TP63: variants seen among roughly 807,000 people sequenced by gnomAD.
The protein encoded by TP63 is tumor protein 63.
In TP63, 17 loss-of-function variants were observed where a neutral mutation model predicts 82.8. The observed-to-expected ratio is 0.21, with a 90% CI of 0.14 to 0.31. TP63 has a LOEUF of 0.31. Among genes scored for constraint, TP63 ranks in the 10% least tolerant of loss-of-function variants. TP63 has a pLI of 1.00. For synonymous variants in TP63, 330 were observed against 321.7 expected, an observed-to-expected ratio of 1.03 and a Z score of -0.28; for missense variants, 648 against 895.3, an observed-to-expected ratio of 0.72 and a Z score of 3.52.
intron 3 of TP63, among the ~76,000 whole-genome samples, chr3:189,786,446 AACACACACACACACACAC>A (rs59747587): frequency 6.8e-5 from 10 of 147,008 alleles, no homozygotes; most frequent in African/African-American, 1.3e-4. Context: ...GACATACCTA[AACACACACACACACACAC>A]ACACACACAC....
Position 189,789,701 on chromosome 3 carries a change from C to T in TP63, c.325-18571C>T, listed in dbSNP as rs77388546. On this transcript the variant is annotated intron_variant, in intron 3 of 13. Coordinates refer to ENST00000264731, the MANE Select transcript of TP63 (RefSeq NM_003722.5). ...AGAGGGACTTGAGTTCTGTTATCTTCTTAAGTAGATTCATATTGTAAGGGT... is the reference window on the plus strand; with the variant it reads ...AGAGGGACTTGAGTTCTGTTATCTTTTTAAGTAGATTCATATTGTAAGGGT... 46,627 of 1,447,506 alleles carry T rather than the reference C, an allele frequency of 0.032. 841 individuals carry two copies. The highest frequency in any genetic ancestry group is 0.04 in the Middle Eastern group (226 of 5,678). The allele number at this position is 1,447,506 out of a possible 1,614,324, so 89.7% of individuals were successfully genotyped here.
chr3:189,641,114 G>C (rs777693732), intron 1 of TP63, among the ~76,000 whole-genome samples: 6 of 152,092 alleles, frequency 3.9e-5, no homozygotes, highest in Non-Finnish European at 8.8e-5. Context: ...AAGGGAAATA[G>C]TTCACTTTCA....
intron 3 of TP63, among the ~76,000 whole-genome samples, chr3:189,801,129 T>G (rs376531003): frequency 6.6e-6 from 1 of 152,318 alleles, no homozygotes; most frequent in South Asian, 2.1e-4. Flanking sequence ...AAACCAAGGA[T>G]GCATTACTGC....
the TP63 span, among the ~76,000 whole-genome samples, chr3:189,605,583 A>G: frequency 6.6e-6 from 1 of 152,216 alleles, no homozygotes. Flanking sequence ...GCCGCAATAT[A>G]GATTCTGGTA....
chr3:189,607,210 A>C, the TP63 span, among the ~76,000 whole-genome samples: 1 of 152,234 alleles, frequency 6.6e-6, no homozygotes, highest in Non-Finnish European at 1.5e-5. Flanking sequence ...ACTTAATGCA[A>C]TGTGATATCC....
chr3:189,688,745 G>A (rs1015701245), intron 1 of TP63, among the ~76,000 whole-genome samples: 25 of 152,120 alleles, frequency 1.6e-4, no homozygotes, highest in Admixed American at 1.4e-3. Flanking sequence ...CAAATACGTT[G>A]TTGTTTATGT....
At chr3:189,876,261 T>C (rs753072517) in intron 10 of TP63, among the ~76,000 whole-genome samples, 18 of 152,220 alleles carry the variant, frequency 1.2e-4, no homozygotes, top group Non-Finnish European at 2.2e-4. Context: ...GCTAAATGTA[T>C]TTGTTTTTAT....
chr3:189,759,916 G>A (rs934749330), intron 3 of TP63, among the ~76,000 whole-genome samples: 7 of 152,214 alleles, frequency 4.6e-5, no homozygotes, highest in African/African-American at 1.4e-4. Context: ...AGGCAAGGAG[G>A]AGCAAGTCAC....
At chr3:189,624,825 C>T in the TP63 span, among the ~76,000 whole-genome samples, 1 of 152,164 alleles carries the variant, frequency 6.6e-6, no homozygotes, top group Non-Finnish European at 1.5e-5. Flanking sequence ...GATGTAGTCT[C>T]CAGCCATTGT....
At chr3:189,649,632 A>C (rs896008529) in intron 1 of TP63, among the ~76,000 whole-genome samples, 1 of 147,208 alleles carries the variant, frequency 6.8e-6, no homozygotes, top group Admixed American at 6.7e-5. Flanking sequence ...AAAAGTTAAA[A>C]AGAAAGGAAA....
chr3:189,711,285 A>G (rs755000541), intron 1 of TP63, among the ~76,000 whole-genome samples: 32 of 152,316 alleles, frequency 2.1e-4, no homozygotes, highest in Non-Finnish European at 4.6e-4. Flanking sequence ...TAGGTATAGG[A>G]GAGGTATGCA....
At chr3:189,612,235 G>C in the TP63 span, among the ~76,000 whole-genome samples, 1 of 151,274 alleles carries the variant, frequency 6.6e-6, no homozygotes, top group Non-Finnish European at 1.5e-5. Flanking sequence ...ATTTCAGCTT[G>C]AGTTGTATCT....
chr3:189,669,500 G>A (rs919245012), intron 1 of TP63, among the ~76,000 whole-genome samples: 30 of 151,900 alleles, frequency 2.0e-4, no homozygotes, highest in African/African-American at 6.8e-4. Context: ...TTTGTTTCTC[G>A]AATTTTCCTG....
intron 1 of TP63, among the ~76,000 whole-genome samples, chr3:189,694,975 T>A (rs1387144610): frequency 2.6e-5 from 4 of 151,470 alleles, no homozygotes; most frequent in African/African-American, 9.7e-5. Context: ...CTGGCTAAGT[T>A]TTGTATTTTT....
At chr3:189,601,423 T>C in the TP63 span, among the ~76,000 whole-genome samples, 2 of 152,114 alleles carry the variant, frequency 1.3e-5, no homozygotes, top group Non-Finnish European at 2.9e-5. Context: ...AGCCTCCTGC[T>C]TTGGGACTAC....
chr3:189,863,697 G>A (rs568386207), intron 4 of TP63, among the ~76,000 whole-genome samples: 2 of 152,228 alleles, frequency 1.3e-5, no homozygotes, highest in East Asian at 1.9e-4. Context: ...AGTTTCAAGC[G>A]ATCTGACGTC....
At chr3:189,807,679 A>T (rs1264670937) in intron 3 of TP63, among the ~76,000 whole-genome samples, 2 of 152,164 alleles carry the variant, frequency 1.3e-5, no homozygotes, top group South Asian at 4.1e-4. Flanking sequence ...GGGTGTCCCT[A>T]ACCCCGCTAC....
intron 3 of TP63, among the ~76,000 whole-genome samples, chr3:189,746,837 A>G (rs1329897082): frequency 6.6e-6 from 1 of 151,016 alleles, no homozygotes; most frequent in Non-Finnish European, 1.5e-5. Context: ...ACACACACAT[A>G]TGAAACTCAT....
intron 4 of TP63, among the ~76,000 whole-genome samples, chr3:189,820,709 A>G (rs1166313701): frequency 2.0e-5 from 3 of 152,244 alleles, no homozygotes; most frequent in African/African-American, 4.8e-5. Context: ...CTCTGATGGT[A>G]TATTTTTATG....
Sources: gnomAD v4.1 joint callset for allele counts (sites outside exome capture counted in the v4.1 genomes callset) on GRCh38, gnomAD v4.1.1 for gene constraint, MANE v1.5 for transcripts, NCBI Gene and HGNC (gene_info 2026-07-23, HGNC 2026-07-21) for gene names.